Variants in CAMTA1 observed in about 807,000 individuals in gnomAD.
CAMTA1 encodes the protein calmodulin binding transcription activator 1, also known as calmodulin-binding transcription activator 1.
CAMTA1 carries 27 observed loss-of-function variants against 170.9 expected under a neutral mutation model. The ratio of observed to expected loss-of-function variants is 0.16; its 90% CI spans 0.12 to 0.22. The LOEUF is 0.22. CAMTA1 is among the 10% of genes least tolerant of loss of function. The pLI, the probability that CAMTA1 is intolerant of heterozygous loss-of-function variation, is 1.00. For synonymous variants in CAMTA1, 833 were observed against 891.5 expected (o/e 0.93, Z 1.17); for missense variants, 1,619 against 2,217.2 (o/e 0.73, Z 5.42).
Position 7,173,058 on chromosome 1 carries a change from G to A in CAMTA1, c.303-76433G>A, listed in dbSNP as rs1051380216. Among the ~76,000 whole-genome samples the A allele has an allele frequency of 8.5e-5, 13 of 152,200 alleles. No individual in the cohort carries two copies. Among genetic ancestry groups the A allele is most frequent in the Admixed American group, 3.3e-4 (5 of 15,284 alleles). On this transcript the variant is annotated intron_variant, in intron 4 of 22. Coordinates refer to ENST00000303635, the MANE Select transcript of CAMTA1 (RefSeq NM_015215.4). The surrounding 1 kb of genome is among the most constrained non-coding windows in gnomAD (Gnocchi z 5.4). ...GCTGGGGACAGGCTGTGCGGGAGGCGCAGGGGTGAGGCTCCGAAGCAAGAG... is the reference window on the plus strand; with the variant it reads ...GCTGGGGACAGGCTGTGCGGGAGGCACAGGGGTGAGGCTCCGAAGCAAGAG...
At position 6,946,496 on chromosome 1, in the gene CAMTA1, C is replaced by G. The variant is rs569801918; in HGVS notation, c.234+121286C>G. Among the ~76,000 whole-genome samples the G allele has an allele frequency of 2.0e-5, 3 of 152,228 alleles. No individual in the cohort carries two copies. The South Asian group carries it at 6.2e-4, about 32-fold the overall frequency. Reference sequence around the variant, plus strand: ...GATAAGCCATCTTAACTAGACCTATCTTTCTTTTTGATTATAGCCATCCTA... The same window carrying G: ...GATAAGCCATCTTAACTAGACCTATGTTTCTTTTTGATTATAGCCATCCTA... On this transcript the variant is annotated intron_variant, in intron 3 of 22. Transcript: ENST00000303635.
chr1:7,366,406 G>A (rs6672556), intron 5 of CAMTA1, among the ~76,000 whole-genome samples: 3,385 of 152,298 alleles, frequency 0.022, 124 homozygotes, highest in African/African-American at 0.077. Flanking sequence ...CCAAGGCCGC[G>A]GGTTGCCTTG....
chr1:7,599,536 G>C (rs1393313590), intron 6 of CAMTA1, among the ~76,000 whole-genome samples: 1 of 152,146 alleles, frequency 6.6e-6, no homozygotes, highest in Non-Finnish European at 1.5e-5. Flanking sequence ...TGGGGAGTAT[G>C]GCCATTTTCA....
chr1:7,517,995 T>G (rs2094309848), intron 6 of CAMTA1, among the ~76,000 whole-genome samples: 1 of 151,928 alleles, frequency 6.6e-6, no homozygotes, highest in Non-Finnish European at 1.5e-5. Context: ...CTCTTGATTT[T>G]CCAGCCTAGA....
chr1:7,641,949 C>T lies in CAMTA1; in HGVS notation c.664+1396C>T, dbSNP rs80050844. On this transcript the variant is annotated intron_variant, in intron 7 of 22. Transcript: ENST00000303635. This position sits in a 1 kb window ranked among gnomAD's most constrained non-coding sequence, Gnocchi z 4.5. ...GCTCCTGAGCACAGCCTGCAGCCCCCCCACCCGCAGCCCCCGGCCTCTGCA... is the reference window on the plus strand; with the variant it reads ...GCTCCTGAGCACAGCCTGCAGCCCCTCCACCCGCAGCCCCCGGCCTCTGCA... 6.6e-6 allele frequency among the ~76,000 whole-genome samples: 1 copy of T among 152,162 alleles called. No individual in the cohort carries two copies. Among genetic ancestry groups the T allele is most frequent in the East Asian group, 1.9e-4 (1 of 5,170 alleles).
chr1:7,005,689 G>T (rs1488544305), intron 3 of CAMTA1, among the ~76,000 whole-genome samples: 1 of 152,200 alleles, frequency 6.6e-6, no homozygotes, highest in Non-Finnish European at 1.5e-5. Flanking sequence ...TATTTCCTAC[G>T]TACGTAGGTA....
At chr1:6,925,403 G>A (rs1298893426) in intron 3 of CAMTA1, among the ~76,000 whole-genome samples, 1 of 152,214 alleles carries the variant, frequency 6.6e-6, no homozygotes, top group Non-Finnish European at 1.5e-5. Context: ...GCCTGACCTC[G>A]CTTTCGAGGG....
At chr1:7,670,031 C>T (rs1460379460) in intron 9 of CAMTA1, among the ~76,000 whole-genome samples, 13 of 152,212 alleles carry the variant, frequency 8.5e-5, no homozygotes, top group Non-Finnish European at 1.5e-5. Context: ...GTACCCCAGC[C>T]CTTCCGATGC....
chr1:7,449,815 A>T (rs551583496), intron 5 of CAMTA1, among the ~76,000 whole-genome samples: 1 of 151,380 alleles, frequency 6.6e-6, no homozygotes, highest in South Asian at 2.1e-4. Context: ...AAAAGAAAGT[A>T]CTGGGGCCCA....
intron 5 of CAMTA1, among the ~76,000 whole-genome samples, chr1:7,428,834 C>T (rs886160133): frequency 7.9e-5 from 12 of 151,970 alleles, no homozygotes; most frequent in East Asian, 3.9e-4. Flanking sequence ...TGTCTGTGTG[C>T]GTCTGATTCC....
At chr1:7,725,502 G>T (rs2096678831) in intron 11 of CAMTA1, among the ~76,000 whole-genome samples, 1 of 152,232 alleles carries the variant, frequency 6.6e-6, no homozygotes, top group Non-Finnish European at 1.5e-5. Flanking sequence ...ACTGCGGATG[G>T]CTCTGGCATG....
intron 6 of CAMTA1, among the ~76,000 whole-genome samples, chr1:7,584,308 G>A (rs1256155855): frequency 1.3e-5 from 2 of 151,928 alleles, no homozygotes; most frequent in Admixed American, 6.6e-5. Context: ...ATCAGGGGAC[G>A]GAAGCTGACT....
At position 7,119,715 on chromosome 1, in the gene CAMTA1, C is replaced by G. The variant is rs1036374105; in HGVS notation, c.302+28344C>G. ...TTCTACCTTTGGAGAATCAGGGCAT[C>G]TGATATAACAATACAACAGTAACAA... On this transcript the variant is annotated intron_variant, in intron 4 of 22. Coordinates refer to ENST00000303635, the MANE Select transcript of CAMTA1 (RefSeq NM_015215.4). 9.2e-5 allele frequency among the ~76,000 whole-genome samples: 14 copies of G among 152,180 alleles called. 1 individual carries two copies. The highest frequency in any genetic ancestry group is 3.4e-4 in the African/African-American group (14 of 41,448).
intron 5 of CAMTA1, among the ~76,000 whole-genome samples, chr1:7,264,402 C>T (rs1668603275): frequency 6.6e-6 from 1 of 152,194 alleles, no homozygotes; most frequent in Non-Finnish European, 1.5e-5. Context: ...ATACCTGGCA[C>T]ATGCAGTTTC....
At chr1:7,576,877 C>T (rs930305912) in intron 6 of CAMTA1, among the ~76,000 whole-genome samples, 23 of 152,054 alleles carry the variant, frequency 1.5e-4, no homozygotes, top group African/African-American at 5.1e-4. Context: ...GGTAGGAGGA[C>T]GGGGGATTGG....
chr1:7,535,720 A>G (rs774537889), intron 6 of CAMTA1, among the ~76,000 whole-genome samples: 1 of 152,146 alleles, frequency 6.6e-6, no homozygotes, highest in African/African-American at 2.4e-5. Flanking sequence ...ACAGCCACCT[A>G]GTATTGTCAC....
At chr1:7,480,095 CTG>C (rs950559240) in intron 6 of CAMTA1, among the ~76,000 whole-genome samples, 2 of 124,358 alleles carry the variant, frequency 1.6e-5, no homozygotes, top group African/African-American at 6.9e-5. Context: ...GTGTGTGTGC[CTG>C]TGTGTGAGAG....
chr1:7,133,116 A>G (rs1645355919), intron 4 of CAMTA1, among the ~76,000 whole-genome samples: 1 of 152,132 alleles, frequency 6.6e-6, no homozygotes, highest in Non-Finnish European at 1.5e-5. Flanking sequence ...TTAGGAGTGA[A>G]ATGTTTCTTC....
At position 7,592,792 on chromosome 1, in the gene CAMTA1, A is replaced by C. The variant is rs1576285628; in HGVS notation, c.511-47608A>C. Among the ~76,000 whole-genome samples the C allele has an allele frequency of 6.6e-6, 1 of 152,152 alleles. No homozygotes were observed. The highest frequency in any genetic ancestry group is 1.9e-4 in the East Asian group (1 of 5,170). ...GAGGATTCTCCGAGAGCTCCTCCCC[A>C]CCCTCACACACCTCAGCCTCTATAA... is the stretch of plus-strand genomic sequence containing the variant. On this transcript the variant is annotated intron_variant, in intron 6 of 22. Coordinates refer to ENST00000303635, the MANE Select transcript of CAMTA1 (RefSeq NM_015215.4). The surrounding 1 kb of genome is among the most constrained non-coding windows in gnomAD (Gnocchi z 4.6).
Sources: allele counts gnomAD v4.1 joint callset (sites outside exome capture counted in the v4.1 genomes callset), GRCh38; gene constraint gnomAD v4.1.1; non-coding constraint Gnocchi (gnomAD v3.1); transcripts MANE v1.5; gene names NCBI Gene and HGNC (gene_info 2026-07-23, HGNC 2026-07-21).